Variants in CPXM2 observed in about 807,000 individuals in gnomAD.
CPXM2 encodes inactive carboxypeptidase-like protein X2.
In CPXM2, 66 loss-of-function variants were observed where a neutral mutation model predicts 86.1. That is an observed-to-expected ratio of 0.77 (90% CI 0.63 to 0.94). CPXM2 has a LOEUF of 0.94. CPXM2 is among the 40% of genes least tolerant of loss of function. The pLI is 0.00. For missense variants in CPXM2, 948 were observed against 1,026.3 expected, an observed-to-expected ratio of 0.92 and a Z score of 1.04; for synonymous variants, 388 against 400.2, an observed-to-expected ratio of 0.97 and a Z score of 0.36.
In CPXM2 at chr10:123,749,694, G is replaced by C. The variant is rs192824426; in HGVS notation, c.2018-2677C>G. 1.6e-4 allele frequency among the ~76,000 whole-genome samples: 24 copies of C among 152,320 alleles called. No individual in the cohort carries two copies. In the East Asian group the frequency reaches 2.1e-3, roughly 13 times the overall value. ...CACACATCTCACATCTCTGGGCTTTGCATATACTGTTCCCACTGCTGTTCC... is the reference window on the plus strand; with the variant it reads ...CACACATCTCACATCTCTGGGCTTTCCATATACTGTTCCCACTGCTGTTCC... On this transcript the variant is annotated intron_variant, in intron 13 of 13. Coordinates refer to ENST00000241305, the MANE Select transcript of CPXM2 (RefSeq NM_198148.3).
intron 4 of CPXM2, among the ~76,000 whole-genome samples, chr10:123,837,167 G>C (rs1400400492): frequency 6.6e-6 from 1 of 152,224 alleles, no homozygotes; most frequent in Non-Finnish European, 1.5e-5. Context: ...CTCCTGCTAA[G>C]ACTTTCCATT....
intron 1 of CPXM2, among the ~76,000 whole-genome samples, chr10:123,882,604 A>T (rs796625475): frequency 6.6e-5 from 10 of 152,352 alleles, no homozygotes; most frequent in African/African-American, 2.4e-4. Context: ...ATAATGCCCC[A>T]TTCCAGCCTT....
intron 6 of CPXM2, among the ~76,000 whole-genome samples, chr10:123,783,954 C>T (rs1434148780): frequency 6.6e-6 from 1 of 152,144 alleles, no homozygotes; most frequent in African/African-American, 2.4e-5. Context: ...ACCTTACTTC[C>T]TTATTAAACT....
intron 2 of CPXM2, among the ~76,000 whole-genome samples, chr10:123,908,476 C>T (rs987324412): frequency 2.6e-5 from 4 of 152,150 alleles, no homozygotes; most frequent in South Asian, 2.1e-4. Context: ...AGCCAGACCC[C>T]GGGCAGGTTC....
intron 2 of CPXM2, among the ~76,000 whole-genome samples, chr10:123,907,691 CCT>C (rs138805770): frequency 0.26 from 35,270 of 135,984 alleles, 4,281 homozygotes; most frequent in Non-Finnish European, 0.3. Context: ...AGATGCCCCC[CCT>C]CCCACAAGTT....
chr10:123,870,962 A>G (rs1944885083), intron 2 of CPXM2, among the ~76,000 whole-genome samples: 1 of 152,124 alleles, frequency 6.6e-6, no homozygotes, highest in East Asian at 1.9e-4. Flanking sequence ...AGGCTACACA[A>G]GCTCAGAGAT....
chr10:123,826,427 T>C (rs542605080), intron 4 of CPXM2, among the ~76,000 whole-genome samples: 6 of 152,096 alleles, frequency 3.9e-5, no homozygotes, highest in Admixed American at 2.6e-4. Context: ...AGCTAATAAA[T>C]AAGTAGTGGA....
At chr10:123,901,950 G>A (rs1312734784) in intron 2 of CPXM2, among the ~76,000 whole-genome samples, 1 of 152,212 alleles carries the variant, frequency 6.6e-6, no homozygotes, top group Non-Finnish European at 1.5e-5. Context: ...ATTGCAAACT[G>A]TTCACTGGAA....
chr10:123,880,145 T>TTGGGGGCC, intron 2 of CPXM2, 66 bp downstream of exon 2: 9 of 407,574 alleles, frequency 2.2e-5, no homozygotes, highest in Non-Finnish European at 2.4e-5. Flanking sequence ...CAGGGGCCTG[T>TTGGGGGCC]ACCCACCCAC....
intron 2 of CPXM2, among the ~76,000 whole-genome samples, chr10:123,928,259 A>G (rs1158578350): frequency 6.6e-6 from 1 of 152,240 alleles, no homozygotes; most frequent in Non-Finnish European, 1.5e-5. Flanking sequence ...AGCTGGTTCC[A>G]AACCTCTCCA....
intron 6 of CPXM2, among the ~76,000 whole-genome samples, chr10:123,792,254 G>A (rs1203671329): frequency 6.6e-6 from 1 of 152,142 alleles, no homozygotes; most frequent in Non-Finnish European, 1.5e-5. Flanking sequence ...GGAAGAAGGG[G>A]AAATTGGGAA....
At position 123,831,329 on chromosome 10, in the gene CPXM2, A is replaced by G. The variant is rs192365114; in HGVS notation, c.653+11020T>C. On this transcript the variant is annotated intron_variant, in intron 4 of 13. Coordinates refer to ENST00000241305, the MANE Select transcript of CPXM2 (RefSeq NM_198148.3). Reference sequence around the variant, plus strand: ...GAAAGAACTCATAAGAATCCTAAAGAAGAGAGAGAAGTGGGTCAGCCCTGC... The same window carrying G: ...GAAAGAACTCATAAGAATCCTAAAGGAGAGAGAGAAGTGGGTCAGCCCTGC... 2.6e-5 allele frequency among the ~76,000 whole-genome samples: 4 copies of G among 152,294 alleles called. No homozygotes were observed. The East Asian group carries it at 5.8e-4, about 22-fold the overall frequency.
intron 2 of CPXM2, among the ~76,000 whole-genome samples, chr10:123,928,720 G>A (rs1355444039): frequency 6.6e-6 from 1 of 152,234 alleles, no homozygotes; most frequent in Non-Finnish European, 1.5e-5. Context: ...GTAATAGCCA[G>A]CATCAAATGT....
In CPXM2 at chr10:123,885,722, GC is replaced by G. The variant is rs1945169151; in HGVS notation, c.305-5414del. 6.6e-6 allele frequency among the ~76,000 whole-genome samples: 1 copy of G among 152,194 alleles called. No individual in the cohort carries two copies. The highest frequency in any genetic ancestry group is 1.5e-5 in the Non-Finnish European group (1 of 68,030). ...GCCTGAGAGGGCCACAGAGGGCAGA[GC>G]CATTGCTGGAGATGCCAAGCCTGAA... On this transcript the variant is annotated intron_variant, in intron 1 of 13. Coordinates refer to ENST00000241305, the MANE Select transcript of CPXM2 (RefSeq NM_198148.3). The surrounding 1 kb of genome is among the most constrained non-coding windows in gnomAD (Gnocchi z 4.0).
chr10:123,782,010 C>G (rs530999798), intron 6 of CPXM2, among the ~76,000 whole-genome samples: 1 of 152,182 alleles, frequency 6.6e-6, no homozygotes, highest in Non-Finnish European at 1.5e-5. Context: ...TATTCACAAA[C>G]GGCTTTCCAG....
intron 11 of CPXM2, 66 bp downstream of exon 11, chr10:123,761,806 C>A: frequency 6.7e-7 from 1 of 1,489,620 alleles, no homozygotes; most frequent in Non-Finnish European, 9.1e-7. Flanking sequence ...ACCAGGAGGG[C>A]CAGGAGGAGA....
At chr10:123,753,699 G>A (rs1349063758) in intron 13 of CPXM2, among the ~76,000 whole-genome samples, 2 of 152,130 alleles carry the variant, frequency 1.3e-5, no homozygotes, top group Non-Finnish European at 2.9e-5. Flanking sequence ...GACGTGGTAC[G>A]GCCACTTCAT....
At chr10:123,855,115 C>T (rs1416152434) in intron 3 of CPXM2, among the ~76,000 whole-genome samples, 1 of 151,794 alleles carries the variant, frequency 6.6e-6, no homozygotes, top group Non-Finnish European at 1.5e-5. Flanking sequence ...TTAAAATATT[C>T]AGTCCTGTTA....
intron 6 of CPXM2, among the ~76,000 whole-genome samples, chr10:123,785,335 AT>A (rs768695845): frequency 1.3e-5 from 2 of 152,042 alleles, no homozygotes; most frequent in Non-Finnish European, 2.9e-5. Context: ...CCTTATGATG[AT>A]TTCCATGGCT....
Sources: gnomAD v4.1 joint callset for allele counts (sites outside exome capture counted in the v4.1 genomes callset) on GRCh38, gnomAD v4.1.1 for gene constraint, Gnocchi (gnomAD v3.1) non-coding constraint, MANE v1.5 for transcripts, NCBI Gene and HGNC (gene_info 2026-07-23, HGNC 2026-07-21) for gene names.